Variants in ADAM12 observed in about 807,000 individuals in gnomAD.
ADAM12 encodes disintegrin and metalloproteinase domain-containing protein 12.
In ADAM12, 70 loss-of-function variants were observed where a neutral mutation model predicts 106.4. That is an observed-to-expected ratio of 0.66 (90% CI 0.54 to 0.80). The LOEUF (loss-of-function observed/expected upper bound fraction) is 0.80. Ranked by LOEUF, ADAM12 falls within the 30% of genes least tolerant of loss-of-function variation. The pLI, the probability that ADAM12 is intolerant of heterozygous loss-of-function variation, is 0.00. For missense variants in ADAM12, 1,010 were observed against 1,171.9 expected (o/e 0.86, Z 2.02); for synonymous variants, 420 against 433.5 (o/e 0.97, Z 0.39).
intron 3 of ADAM12, among the ~76,000 whole-genome samples, chr10:126,197,435 C>T: frequency 6.6e-6 from 1 of 152,166 alleles, no homozygotes; most frequent in Non-Finnish European, 1.5e-5. Context: ...GGAGGCTGTG[C>T]ACCACAGGAG....
intron 2 of ADAM12, among the ~76,000 whole-genome samples, chr10:126,289,888 C>A (rs1960068602): frequency 6.6e-6 from 1 of 152,052 alleles, no homozygotes; most frequent in South Asian, 2.1e-4. Context: ...TCATTGTGGT[C>A]ATAGAAATGA....
chr10:126,182,556 A>C (rs1957332209), intron 3 of ADAM12, among the ~76,000 whole-genome samples: 1 of 152,190 alleles, frequency 6.6e-6, no homozygotes. Context: ...GCCTTGGGGA[A>C]GTTTAAAATG....
intron 3 of ADAM12, among the ~76,000 whole-genome samples, chr10:126,176,346 G>C (rs1455521441): frequency 1.3e-5 from 2 of 152,224 alleles, no homozygotes; most frequent in African/African-American, 4.8e-5. Flanking sequence ...CAAAATGCTG[G>C]CTTTGGGATC....
At chr10:126,050,486 G>A (rs558794339) in intron 14 of ADAM12, among the ~76,000 whole-genome samples, 1 of 152,314 alleles carries the variant, frequency 6.6e-6, no homozygotes, top group Admixed American at 6.5e-5. Context: ...CATGCCCTGC[G>A]GCGTGGTCCC....
chr10:126,166,302 C>T (rs145775745), intron 3 of ADAM12, among the ~76,000 whole-genome samples: 6 of 152,250 alleles, frequency 3.9e-5, no homozygotes, highest in African/African-American at 1.4e-4. Context: ...TCTATAAGAA[C>T]AGGAGGGCTG....
chr10:126,159,310 A>AAG (rs1956892725), intron 3 of ADAM12, among the ~76,000 whole-genome samples: 4 of 83,462 alleles, frequency 4.8e-5, no homozygotes, highest in Admixed American at 1.5e-4. Context: ...ACTCCATCAA[A>AAG]AAAAAAAAAA....
chr10:126,350,127 C>G (rs960911448), intron 1 of ADAM12, among the ~76,000 whole-genome samples: 1 of 152,122 alleles, frequency 6.6e-6, no homozygotes, highest in African/African-American at 2.4e-5. Flanking sequence ...CTCCCTGTCC[C>G]CAAGAAGAAA....
intron 3 of ADAM12, among the ~76,000 whole-genome samples, chr10:126,164,223 G>C (rs558120231): frequency 6.6e-6 from 1 of 152,254 alleles, no homozygotes; most frequent in South Asian, 2.1e-4. Context: ...TTGTTGGAGG[G>C]TTTAATTATT....
intron 6 of ADAM12, among the ~76,000 whole-genome samples, chr10:126,112,747 ACC>A (rs1250984287): frequency 5.3e-5 from 8 of 152,158 alleles, no homozygotes; most frequent in Non-Finnish European, 1.0e-4. Context: ...CATGCTATCT[ACC>A]AGGGATGCTG....
chr10:126,270,064 A>G (rs749678294), intron 3 of ADAM12, among the ~76,000 whole-genome samples: 1 of 152,308 alleles, frequency 6.6e-6, no homozygotes, highest in Non-Finnish European at 1.5e-5. Flanking sequence ...AAGATCTTAA[A>G]TGTTAAGGTT....
intron 6 of ADAM12, among the ~76,000 whole-genome samples, chr10:126,110,480 GA>G (rs112477742): frequency 8.9e-5 from 13 of 145,594 alleles, no homozygotes; most frequent in South Asian, 2.2e-4. Flanking sequence ...GGTATGAGGA[GA>G]AAAAAAAAAG....
At chr10:126,185,163 G>A (rs1957378069) in intron 3 of ADAM12, among the ~76,000 whole-genome samples, 1 of 152,214 alleles carries the variant, frequency 6.6e-6, no homozygotes, top group African/African-American at 2.4e-5. Context: ...AACAAATGCT[G>A]TGGGGTTGTT....
chr10:126,133,941 T>C (rs1239336828), intron 5 of ADAM12, among the ~76,000 whole-genome samples: 2 of 152,226 alleles, frequency 1.3e-5, no homozygotes, highest in African/African-American at 2.4e-5. Flanking sequence ...CTCAGCTTTG[T>C]CTTTCTCCAT....
intron 21 of ADAM12, among the ~76,000 whole-genome samples, chr10:126,027,696 G>A (rs542121520): frequency 2.0e-5 from 3 of 152,172 alleles, no homozygotes; most frequent in Admixed American, 6.5e-5. Context: ...AATAAACTAG[G>A]TATTAAAGGA....
At chr10:126,320,204 T>C (rs572659170) in intron 2 of ADAM12, among the ~76,000 whole-genome samples, 9 of 152,354 alleles carry the variant, frequency 5.9e-5, no homozygotes, top group African/African-American at 1.9e-4. Context: ...TAACAAAAAA[T>C]GCTGGTAAAA....
chr10:126,124,942 C>G (rs1053755466), intron 5 of ADAM12, among the ~76,000 whole-genome samples: 6 of 148,710 alleles, frequency 4.0e-5, no homozygotes, highest in Admixed American at 2.0e-4. Context: ...CCAGCATTAC[C>G]AGCACATCAA....
intron 2 of ADAM12, among the ~76,000 whole-genome samples, chr10:126,316,392 C>T (rs1853872644): frequency 6.6e-6 from 1 of 152,170 alleles, no homozygotes. Flanking sequence ...AGTCAAAACT[C>T]ATGGAGATAA....
At position 126,357,138 on chromosome 10, in the gene ADAM12, A is replaced by G. The variant is rs150758605; in HGVS notation, c.89-26629T>C. On this transcript the variant is annotated intron_variant, in intron 1 of 22. Coordinates refer to ENST00000448723, the MANE Select transcript of ADAM12 (RefSeq NM_001288973.2). ...GAAGTTTCCAATCAAATTCAACCCA[A>G]GGAGGAGTCCACCATAACACATATT... Among the ~76,000 whole-genome samples the G allele has an allele frequency of 1.3e-3, 192 of 152,364 alleles. 3 individuals are homozygous for G. In the East Asian group the frequency reaches 0.032, roughly 26 times the overall value.
chr10:126,078,769 C>T (rs1297660139), intron 11 of ADAM12, among the ~76,000 whole-genome samples: 2 of 151,944 alleles, frequency 1.3e-5, no homozygotes, highest in African/African-American at 4.8e-5. Flanking sequence ...GCTCCATTTG[C>T]AAATGAGGTG....
Sources: allele counts gnomAD v4.1 joint callset (sites outside exome capture counted in the v4.1 genomes callset), GRCh38; gene constraint gnomAD v4.1.1; transcripts MANE v1.5; gene names NCBI Gene and HGNC (gene_info 2026-07-23, HGNC 2026-07-21).